The following SORBS2 variants were observed in gnomAD, a reference collection of about 807,000 sequenced individuals.
The protein encoded by SORBS2 is sorbin and SH3 domain containing 2.
In SORBS2, 46 loss-of-function variants were observed where a neutral mutation model predicts 97.7. The ratio of observed to expected loss-of-function variants is 0.47; its 90% confidence interval spans 0.37 to 0.60. The LOEUF (loss-of-function observed/expected upper bound fraction) is 0.60, where lower values mean the gene tolerates loss of function less well. SORBS2 is among the 20% of genes least tolerant of loss of function. The pLI is 0.00. For missense variants in SORBS2, 1,316 were observed against 1,282.3 expected, an observed-to-expected ratio of 1.03 and a Z score of -0.40; for synonymous variants, 476 against 473.4, an observed-to-expected ratio of 1.01 and a Z score of -0.07.
chr4:185,801,326 T>G (rs2099129432), intron 1 of SORBS2, among the ~76,000 whole-genome samples: 2 of 152,206 alleles, frequency 1.3e-5, no homozygotes. Context: ...TTCCTTTGTA[T>G]GTATATCCAG....
At chr4:185,750,292 C>G (rs1440965160) in intron 2 of SORBS2, among the ~76,000 whole-genome samples, 1 of 152,216 alleles carries the variant, frequency 6.6e-6, no homozygotes, top group East Asian at 1.9e-4. Flanking sequence ...AATCCTGCTT[C>G]ATTTCATCAC....
chr4:185,882,317 C>A (rs955887131), intron 1 of SORBS2, among the ~76,000 whole-genome samples: 7 of 152,040 alleles, frequency 4.6e-5, no homozygotes, highest in Admixed American at 2.0e-4. Context: ...ATAATAGGAA[C>A]TTTATTTGAA....
At chr4:185,678,447 T>C (rs2097826824) in exon 4 of SORBS2, 7 of 1,550,700 alleles carry the variant, frequency 4.5e-6, no homozygotes, top group South Asian at 1.2e-5. Flanking sequence ...TTTTATCTTG[T>C]AGGTTTGGTC....
intron 1 of SORBS2, among the ~76,000 whole-genome samples, chr4:185,818,993 T>C (rs192965307): frequency 2.0e-5 from 3 of 152,326 alleles, no homozygotes; most frequent in East Asian, 3.9e-4. Context: ...GCATGTGGAC[T>C]CTTTCCTATA....
chr4:185,763,057 C>A (rs2098911080), intron 2 of SORBS2, among the ~76,000 whole-genome samples: 1 of 152,122 alleles, frequency 6.6e-6, no homozygotes, highest in Admixed American at 6.5e-5. Context: ...GGTGTGGTGG[C>A]AGGTGCCTGT....
intron 1 of SORBS2, among the ~76,000 whole-genome samples, chr4:185,805,168 G>A (rs2099147892): frequency 6.6e-6 from 1 of 151,964 alleles, no homozygotes; most frequent in African/African-American, 2.4e-5. Flanking sequence ...CTTTATCTAT[G>A]CTTCTGGTAA....
chr4:185,794,511 A>G (rs2099096266), intron 1 of SORBS2, among the ~76,000 whole-genome samples: 1 of 152,254 alleles, frequency 6.6e-6, no homozygotes, highest in South Asian at 2.1e-4. Flanking sequence ...CAAGAACTGC[A>G]GATACATGGC....
At chr4:185,891,838 C>T (rs2099242698) in intron 1 of SORBS2, among the ~76,000 whole-genome samples, 1 of 152,046 alleles carries the variant, frequency 6.6e-6, no homozygotes, top group Non-Finnish European at 1.5e-5. Context: ...GTTACAATAA[C>T]TTTTTTGTTT....
At chr4:185,694,696 C>T (rs2098145364) in intron 2 of SORBS2, among the ~76,000 whole-genome samples, 2 of 110,768 alleles carry the variant, frequency 1.8e-5, no homozygotes, top group Admixed American at 1.0e-4. Context: ...TTTTCTTTTT[C>T]CTTTTCTTTC....
At chr4:185,631,448 C>CT (rs1056233495) in intron 4 of SORBS2, among the ~76,000 whole-genome samples, 16 of 152,288 alleles carry the variant, frequency 1.1e-4, no homozygotes, top group Admixed American at 9.8e-4. Context: ...TGAGGTGACA[C>CT]TGTGGTATGA....
intron 1 of SORBS2, among the ~76,000 whole-genome samples, chr4:185,834,730 T>C (rs1385483113): frequency 6.6e-6 from 1 of 152,218 alleles, no homozygotes; most frequent in East Asian, 1.9e-4. Context: ...TATTATAGAA[T>C]ATCAGTATAC....
At chr4:185,594,620 C>T (rs1199105114) in intron 12 of SORBS2, among the ~76,000 whole-genome samples, 1 of 152,124 alleles carries the variant, frequency 6.6e-6, no homozygotes, top group Non-Finnish European at 1.5e-5. Flanking sequence ...AAAAGAGTTT[C>T]TTTTCTTTTT....
At chr4:185,902,559 A>T (rs910127532) in intron 1 of SORBS2, among the ~76,000 whole-genome samples, 2 of 152,052 alleles carry the variant, frequency 1.3e-5, no homozygotes, top group Admixed American at 6.5e-5. Context: ...GAATCTTTTG[A>T]TCAGTTGTCA....
intron 1 of SORBS2, among the ~76,000 whole-genome samples, chr4:185,928,545 GCTT>G (rs1336575161): frequency 3.3e-5 from 5 of 152,108 alleles, no homozygotes; most frequent in South Asian, 2.1e-4. Flanking sequence ...TGTATAAGAA[GCTT>G]CTTCTTCTTT....
intron 1 of SORBS2, among the ~76,000 whole-genome samples, chr4:185,785,384 G>A (rs900913654): frequency 1.3e-5 from 2 of 152,262 alleles, no homozygotes. Flanking sequence ...TGTTCTAAGC[G>A]TTCCTGTGTC....
chr4:185,916,622 C>T (rs1239242073), intron 1 of SORBS2, among the ~76,000 whole-genome samples: 1 of 152,188 alleles, frequency 6.6e-6, no homozygotes, highest in African/African-American at 2.4e-5. Flanking sequence ...TCATTTTCAA[C>T]AGTGCTTCTC....
chr4:185,752,452 T>G lies in SORBS2; in HGVS notation c.-198+22775A>C, dbSNP rs951424312. 3.9e-5 allele frequency among the ~76,000 whole-genome samples: 6 copies of G among 152,200 alleles called. No homozygotes were observed. The East Asian group carries it at 9.7e-4, about 25-fold the overall frequency. ...CACCACACCCAGCTAATTTTTTGTATTTTTTAGTAGATATGGGGTTTCACC... is the reference window on the plus strand; with the variant it reads ...CACCACACCCAGCTAATTTTTTGTAGTTTTTAGTAGATATGGGGTTTCACC... On this transcript the variant is annotated intron_variant, in intron 2 of 20. Transcript: ENST00000284776.
chr4:185,601,702 A>G (rs1323929160), intron 12 of SORBS2, among the ~76,000 whole-genome samples: 1 of 151,974 alleles, frequency 6.6e-6, no homozygotes, highest in Non-Finnish European at 1.5e-5. Context: ...GAAAAAAAAT[A>G]ACCCCATTTA....
intron 1 of SORBS2, among the ~76,000 whole-genome samples, chr4:185,832,915 T>C (rs2099205876): frequency 6.6e-6 from 1 of 152,216 alleles, no homozygotes; most frequent in African/African-American, 2.4e-5. Flanking sequence ...GGGGTAATGC[T>C]GAGGTCTAAT....
Sources: allele counts gnomAD v4.1 joint callset (sites outside exome capture counted in the v4.1 genomes callset), GRCh38; gene constraint gnomAD v4.1.1; transcripts MANE v1.5; gene names NCBI Gene and HGNC (gene_info 2026-07-23, HGNC 2026-07-21).